The following HOOK1 variants were observed in gnomAD, a reference collection of about 807,000 sequenced individuals.
HOOK1 encodes hook microtubule tethering protein 1, also known as protein Hook homolog 1.
Under a neutral mutation model 112.8 loss-of-function variants are expected in HOOK1, and 60 were observed. The ratio of observed to expected loss-of-function variants is 0.53; its 90% CI spans 0.43 to 0.66. The LOEUF is 0.66. Among genes scored for constraint, HOOK1 ranks in the 30% least tolerant of loss-of-function variants. The pLI is 0.00. For synonymous variants in HOOK1, 294 were observed against 283.8 expected (o/e 1.04, Z -0.36); for missense variants, 770 against 856.0 (o/e 0.90, Z 1.25).
intron 6 of HOOK1, among the ~76,000 whole-genome samples, chr1:59,835,787 G>T (rs537214458): frequency 2.6e-5 from 4 of 152,052 alleles, no homozygotes; most frequent in African/African-American, 9.7e-5. Context: ...TTAGATTCAC[G>T]TAAGAAGCGT....
intron 2 of HOOK1, among the ~76,000 whole-genome samples, chr1:59,825,870 A>T (rs2098389511): frequency 6.6e-6 from 1 of 152,232 alleles, no homozygotes; most frequent in East Asian, 1.9e-4. Context: ...TGTGTACAGT[A>T]TAGATAGATG....
In HOOK1 at chr1:59,821,941, A is replaced by T; in HGVS notation, c.147A>T (p.Gln49His). Residue 49 changes from glutamine (Q) to histidine (H), a missense_variant and splice_region_variant, in exon 2 of 22, where the codon CAA becomes CAT. This residue lies in a region of HOOK1 where 655 missense variants were observed against 725.9 expected (regional missense o/e 0.90). Transcript: ENST00000371208. The part of the protein sequence containing the change: ...SGVAMAQVLH[Q>H]IDAAWFNESW... ...TTGCCATGGCACAAGTTCTTCATCA[A>T]ATGTGAGTAGTGGTCAGACTCTCCC... The T allele has an allele frequency of 6.2e-7, 1 of 1,610,176 alleles. No individual in the cohort carries two copies. Among genetic ancestry groups the T allele is most frequent in the Non-Finnish European group, 8.5e-7 (1 of 1,177,196 alleles).
chr1:59,840,742 T>C (rs1346728729), intron 8 of HOOK1, among the ~76,000 whole-genome samples: 1 of 152,156 alleles, frequency 6.6e-6, no homozygotes. Flanking sequence ...TATGGAAGTA[T>C]TAAGTGGTAC....
intron 6 of HOOK1, among the ~76,000 whole-genome samples, chr1:59,836,428 C>T (rs1380043842): frequency 1.3e-5 from 2 of 152,048 alleles, no homozygotes; most frequent in Non-Finnish European, 2.9e-5. Context: ...AGTAAATCTG[C>T]CTTTCATCTC....
chr1:59,833,515 G>A lies in HOOK1; in HGVS notation c.384G>A (p.Ala128=), dbSNP rs749402766. The change falls in exon 5 of 22, where the codon GCG becomes GCA. Residue 128 remains alanine (A), a synonymous_variant. Transcript: ENST00000371208. ...TGCTCCAGCTTATTTTAGGTTGTGC[G>A]ATCAACTGTGAAAAGAAGCAAGGTA... ...GRLLQLILGC[A]INCEKKQEHI... 1.3e-5 allele frequency: 20 copies of A among 1,572,774 alleles called. No homozygotes were observed. Among genetic ancestry groups the A allele is most frequent in the Admixed American group, 1.2e-4 (7 of 56,986 alleles).
At chr1:59,859,690 A>C (rs1298684728) in intron 14 of HOOK1, among the ~76,000 whole-genome samples, 1 of 151,924 alleles carries the variant, frequency 6.6e-6, no homozygotes, top group Non-Finnish European at 1.5e-5. Flanking sequence ...GTACATGTAA[A>C]TCTTTAATAA....
At chr1:59,850,925 A>G (rs2098406839) in intron 12 of HOOK1, among the ~76,000 whole-genome samples, 1 of 151,588 alleles carries the variant, frequency 6.6e-6, no homozygotes, top group African/African-American at 2.4e-5. Flanking sequence ...AAAACTGCTC[A>G]GAAAATAACC....
chr1:59,842,484 T>A (rs1490952656), intron 8 of HOOK1, among the ~76,000 whole-genome samples: 1 of 152,104 alleles, frequency 6.6e-6, no homozygotes, highest in Non-Finnish European at 1.5e-5. Flanking sequence ...TTCCCAGACT[T>A]TGTAGTTCTC....
At position 59,865,190 on chromosome 1, in the gene HOOK1, A is replaced by T. The variant is rs774391384; in HGVS notation, c.1689A>T (p.Glu563Asp). The T allele has an allele frequency of 1.9e-6, 3 of 1,608,244 alleles. No individual in the cohort carries two copies. Among genetic ancestry groups the T allele is most frequent in the East Asian group, 2.2e-5 (1 of 44,828 alleles). Residue 563 changes from glutamate (E) to aspartate (D), a missense_variant, in exon 18 of 22, where the codon GAA (glutamate) becomes GAT (aspartate). Glu to Asp is a conservative substitution (Grantham distance 45). This residue lies in a region of HOOK1 where 655 missense variants were observed against 725.9 expected (regional missense o/e 0.90). Coordinates refer to ENST00000371208, the MANE Select transcript of HOOK1 (RefSeq NM_015888.6). ...AAAAACTCACAGAGGTCCATGAAGA[A>T]TTACAGAAGAAACAAGAACTCATTG... is the stretch of plus-strand genomic sequence containing the variant. ...HMEKLTEVHEELQKKQELIED... is the reference protein window; with the variant it reads ...HMEKLTEVHEDLQKKQELIED...
rs1211158292 is a variant in HOOK1, at chr1:59,833,399, T to A, written c.274-6T>A. 6.7e-7 allele frequency: 1 copy of A among 1,495,792 alleles called. No homozygotes were observed. Among genetic ancestry groups the A allele is most frequent in the Admixed American group, 2.0e-5 (1 of 49,466 alleles). The allele number at this position is 1,495,792 out of a possible 1,614,324, so 92.7% of individuals were successfully genotyped here. A position where few individuals can be genotyped will look rare whatever the true frequency, so the allele number is the denominator to read the frequency against. On this transcript the variant is annotated splice_region_variant and splice_polypyrimidine_tract_variant and intron_variant, in intron 4 of 21. Transcript: ENST00000371208. ...ATGAGTGATCTAATTTATTTTAATA[T>A]TGTAGTTTTTGGGGCAGCAGATTTC...
At chr1:59,815,391 G>A (rs902663908) in intron 1 of HOOK1, 1 of 587,902 alleles carries the variant, frequency 1.7e-6, no homozygotes, top group Non-Finnish European at 3.0e-6. Context: ...TGGGGGTAAA[G>A]GAAGCTCTGG....
rs1644096938 is a variant in HOOK1 at position 59,874,021 on chromosome 1, T to TAAC, written c.*1057_*1058insACA. 6.6e-6 allele frequency: 1 copy of TAAC among 151,982 alleles called. No homozygotes were observed. Among genetic ancestry groups the TAAC allele is most frequent in the Admixed American group, 6.6e-5 (1 of 15,262 alleles). The allele number at this position is 151,982 out of a possible 1,614,324, so 9.4% of individuals were successfully genotyped here. On this transcript the variant is annotated 3_prime_UTR_variant, in exon 22 of 22. Coordinates refer to ENST00000371208, the MANE Select transcript of HOOK1 (RefSeq NM_015888.6). ...CCAAAGCTCTTATTTTCAGAGGTGT[T>TAAC]ACTTTTGAACTTTTGGGGTCATTTT...
In HOOK1 at chr1:59,855,957, T is replaced by TAAAAAAAAA. The variant is rs1418665294; in HGVS notation, c.1243-2470_1243-2469insAAAAAAAAA. Among the ~76,000 whole-genome samples, 241 of 104,438 alleles carry TAAAAAAAAA rather than the reference T, an allele frequency of 2.3e-3. 4 individuals are homozygous for TAAAAAAAAA. The highest frequency in any genetic ancestry group is 6.1e-3 in the African/African-American group (141 of 23,266). 68.5% of individuals were successfully genotyped at this position (104,438 alleles called of 152,430 possible). A position where few individuals can be genotyped will look rare whatever the true frequency, so the allele number is the denominator to read the frequency against. ...CCCAGCTAATTTATATATATATATA[T>TAAAAAAAAA]ATAAATTATTATATATATATATATA... On this transcript the variant is annotated intron_variant, in intron 12 of 21. Transcript: ENST00000371208.
rs1644079740 is a variant in HOOK1 at position 59,872,890 on chromosome 1, C to G, written c.2112C>G (p.Phe704Leu). The G allele has an allele frequency of 6.5e-7, 1 of 1,528,670 alleles. No homozygotes were observed. The allele number at this position is 1,528,670 out of a possible 1,614,324, so 94.7% of individuals were successfully genotyped here. Residue 704 changes from phenylalanine to leucine, a missense_variant, in exon 22 of 22, where the codon TTC becomes TTG. By Grantham distance (22) the Phe-to-Leu change is conservative (BLOSUM62 0). This residue lies in a region of HOOK1 where 111 missense variants were observed against 111.8 expected (regional missense o/e 0.99). Coordinates refer to ENST00000371208, the MANE Select transcript of HOOK1 (RefSeq NM_015888.6). ...DTGACTPARS[F>L]LAQQRHITNT... ...GTGCGTGCACTCCTGCGCGGTCTTT[C>G]TTAGCGCAGCAACGGCACATCACCA...
chr1:59,828,219 CA>C (rs2102013854), intron 2 of HOOK1, among the ~76,000 whole-genome samples: 1 of 152,258 alleles, frequency 6.6e-6, no homozygotes, highest in East Asian at 1.9e-4. Context: ...TCTTGGCCAT[CA>C]GTATCAATAT....
intron 9 of HOOK1, among the ~76,000 whole-genome samples, chr1:59,844,511 G>A (rs1252292793): frequency 6.6e-6 from 1 of 151,782 alleles, no homozygotes; most frequent in Non-Finnish European, 1.5e-5. Context: ...TATGACTCTT[G>A]AGATCTGGTA....
chr1:59,854,018 ATATATATATATATATATATATTTTTTTT>A (rs2098408777), intron 12 of HOOK1, among the ~76,000 whole-genome samples: 1 of 17,448 alleles, frequency 5.7e-5, no homozygotes, highest in African/African-American at 2.8e-4. Context: ...ATATATATAT[ATATATATATATATATATATATTTTTTTT>A]TTTTTTTTTT....
At chr1:59,847,810 T>C (rs556033965) in intron 10 of HOOK1, among the ~76,000 whole-genome samples, 1 of 151,684 alleles carries the variant, frequency 6.6e-6, no homozygotes, top group East Asian at 1.9e-4. Flanking sequence ...TGATTTGGTT[T>C]ATTTGTTTGT....
chr1:59,848,420 A>G lies in HOOK1; in HGVS notation c.1035A>G (p.Glu345=). 1 of 1,611,216 alleles carries G rather than the reference A, an allele frequency of 6.2e-7. No individual in the cohort carries two copies. The highest frequency in any genetic ancestry group is 8.5e-7 in the Non-Finnish European group (1 of 1,177,952). Reference sequence around the variant, plus strand: ...GCAAGCAGGTGAAAACTTTACAGGAAACCAACATGATGTATATGCATAATA... The same window carrying G: ...GCAAGCAGGTGAAAACTTTACAGGAGACCAACATGATGTATATGCATAATA... The part of the protein sequence containing the change: ...DLRKQVKTLQ[E]TNMMYMHNTV... The change falls in exon 11 of 22, where the codon GAA becomes GAG. Residue 345 remains glutamate, a synonymous_variant. Transcript: ENST00000371208.
Sources: allele counts gnomAD v4.1 joint callset (sites outside exome capture counted in the v4.1 genomes callset), GRCh38; gene constraint gnomAD v4.1.1; regional missense constraint gnomAD v4.1.1; transcripts MANE v1.5; gene names NCBI Gene and HGNC (gene_info 2026-07-23, HGNC 2026-07-21).